The following SATB2 variants were observed in gnomAD, a reference collection of about 807,000 sequenced individuals.
SATB2 encodes DNA-binding protein SATB2.
Under a neutral mutation model 73.4 loss-of-function variants are expected in SATB2, and 1 was observed. The observed-to-expected ratio is 0.01, with a 90% CI of 0.00 to 0.06. The LOEUF (loss-of-function observed/expected upper bound fraction) is 0.06. SATB2 is among the 10% of genes least tolerant of loss of function. SATB2 has a pLI of 1.00. For missense variants in SATB2, 459 were observed against 945.8 expected (o/e 0.49, Z 6.75); for synonymous variants, 397 against 367.0 (o/e 1.08, Z -0.93).
intron 2 of SATB2, among the ~76,000 whole-genome samples, chr2:199,435,336 T>C (rs1691620742): frequency 6.6e-6 from 1 of 152,062 alleles, no homozygotes; most frequent in Non-Finnish European, 1.5e-5. Context: ...TAGCGAATAA[T>C]ATAAATTAGA....
intron 6 of SATB2, among the ~76,000 whole-genome samples, chr2:199,359,020 A>C (rs1241436203): frequency 6.6e-6 from 1 of 152,124 alleles, no homozygotes; most frequent in Non-Finnish European, 1.5e-5. Flanking sequence ...CTTTATTTTA[A>C]TCTAAAACTA....
At chr2:199,424,270 C>T (rs1691262395) in intron 3 of SATB2, among the ~76,000 whole-genome samples, 2 of 152,116 alleles carry the variant, frequency 1.3e-5, no homozygotes, top group African/African-American at 2.4e-5. Flanking sequence ...GTTTTAAATG[C>T]TCATCACAGT....
At chr2:199,334,966 A>C (rs1183267989) in intron 7 of SATB2, among the ~76,000 whole-genome samples, 1 of 152,096 alleles carries the variant, frequency 6.6e-6, no homozygotes, top group African/African-American at 2.4e-5. Context: ...CTGTATTCAT[A>C]ATCTACAACC....
rs193221730 is a variant in SATB2 at position 199,323,663 on chromosome 2, G to T, written c.1542+140C>A. 99 of 974,846 alleles carry T rather than the reference G, an allele frequency of 1.0e-4. No homozygotes were observed. The African/African-American group carries it at 1.2e-3, about 12-fold the overall frequency. The allele number at this position is 974,846 out of a possible 1,614,324, so 60.4% of individuals were successfully genotyped here. On this transcript the variant is annotated intron_variant, in intron 9 of 10. Coordinates refer to ENST00000417098, the MANE Select transcript of SATB2 (RefSeq NM_001172509.2). ...CTCCAATGGGAATAAAAGCAAACTA[G>T]AGTAAAAGGCAGAACATGACAGGTT...
chr2:199,310,736 G>T (rs893642001), intron 9 of SATB2, among the ~76,000 whole-genome samples: 4 of 152,100 alleles, frequency 2.6e-5, no homozygotes, highest in Non-Finnish European at 5.9e-5. Flanking sequence ...ACCATTTAAT[G>T]GAAAATACAA....
chr2:199,390,739 T>C (rs1348550014), intron 3 of SATB2, among the ~76,000 whole-genome samples: 2 of 152,214 alleles, frequency 1.3e-5, no homozygotes, highest in Non-Finnish European at 2.9e-5. Context: ...ATTATGTGTA[T>C]TCTTTTCAAA....
chr2:199,308,819 T>C lies in SATB2; in HGVS notation c.1681A>G (p.Arg561Gly), dbSNP rs1687513393. 1.2e-6 allele frequency: 2 copies of C among 1,613,982 alleles called. No individual in the cohort carries two copies. Among genetic ancestry groups the C allele is most frequent in the African/African-American group, 1.3e-5 (1 of 74,904 alleles). Residue 561 changes from arginine to glycine, a missense_variant, in exon 10 of 11, where the codon AGG becomes GGG. Transcript: ENST00000417098. This position sits in a 1 kb window ranked among gnomAD's most constrained non-coding sequence, Gnocchi z 4.6. ...ERDVIYEEESRHHHSERMQHV... is the reference protein window; with the variant it reads ...ERDVIYEEESGHHHSERMQHV... ...TGCATGCGTTCGCTGTGGTGATGCC[T>C]TGACTCCTCCTCATAGATGACATCC... is the stretch of plus-strand genomic sequence containing the variant.
intron 2 of SATB2, among the ~76,000 whole-genome samples, chr2:199,438,986 C>CCAAT (rs1238472874): frequency 6.6e-6 from 1 of 152,218 alleles, no homozygotes; most frequent in African/African-American, 2.4e-5. Context: ...GAATCCACAT[C>CCAAT]CATTGAAATC....
At chr2:199,465,342 G>T (rs117444613), upstream of SATB2, among the ~76,000 whole-genome samples, 5 of 152,144 alleles carry the variant, frequency 3.3e-5, no homozygotes, top group Admixed American at 6.5e-5. Flanking sequence ...TATAAGGGAG[G>T]GTGGAATATC....
At chr2:199,367,203 C>T (rs1295067532) in intron 6 of SATB2, among the ~76,000 whole-genome samples, 1 of 152,096 alleles carries the variant, frequency 6.6e-6, no homozygotes, top group Admixed American at 6.6e-5. Flanking sequence ...AGCCACACAT[C>T]GATGTCTTAT....
chr2:199,407,245 C>A (rs1175696452), intron 3 of SATB2, among the ~76,000 whole-genome samples: 1 of 141,880 alleles, frequency 7.0e-6, no homozygotes, highest in Non-Finnish European at 1.5e-5. Context: ...GAAATGGCAC[C>A]ACTGTGCTCC....
intron 9 of SATB2, among the ~76,000 whole-genome samples, chr2:199,311,095 G>C (rs915295360): frequency 2.6e-5 from 4 of 152,202 alleles, no homozygotes; most frequent in Non-Finnish European, 5.9e-5. Flanking sequence ...GAAGCTATTA[G>C]GGAGCAGATT....
At position 199,455,871 on chromosome 2, in the gene SATB2, C is replaced by T; in HGVS notation, c.167G>A (p.Gly56Glu). 6.5e-7 allele frequency: 1 copy of T among 1,536,846 alleles called. No homozygotes were observed. The highest frequency in any genetic ancestry group is 8.7e-7 in the Non-Finnish European group (1 of 1,147,784). ...GCCTCCCTGCTCCGGGCTGTTACCTCCCACGGCCTTGGCCACGGCGCCGTT... is the reference window on the plus strand; with the variant it reads ...GCCTCCCTGCTCCGGGCTGTTACCTTCCACGGCCTTGGCCACGGCGCCGTT... The part of the protein sequence containing the change: ...RPNGAVAKAV[G>E]GLMIPVFCVV... Residue 56 changes from glycine (G) to glutamate (E), a missense_variant and splice_region_variant, in exon 2 of 11, where the codon GGA becomes GAA. Around this residue, in one of 13 missense-constraint regions of SATB2, gnomAD observed 74 missense variants for 113.3 expected, o/e 0.65. Coordinates refer to ENST00000417098, the MANE Select transcript of SATB2 (RefSeq NM_001172509.2). The surrounding 1 kb of genome is among the most constrained non-coding windows in gnomAD (Gnocchi z 4.1).
At chr2:199,351,029 C>CAAA (rs35503848) in intron 6 of SATB2, among the ~76,000 whole-genome samples, 3 of 71,730 alleles carry the variant, frequency 4.2e-5, no homozygotes, top group African/African-American at 9.5e-5. Context: ...ACTCTGTCTC[C>CAAA]AAAAAAAAAA....
intron 3 of SATB2, among the ~76,000 whole-genome samples, chr2:199,417,933 G>A (rs1434578639): frequency 6.6e-6 from 1 of 152,130 alleles, no homozygotes; most frequent in African/African-American, 2.4e-5. Context: ...TATACCTTAA[G>A]AAAATTTAAG....
In SATB2 at chr2:199,272,185, A is replaced by G. The variant is rs1338706001; in HGVS notation, c.*26T>C. On this transcript the variant is annotated 3_prime_UTR_variant, in exon 11 of 11. Coordinates refer to ENST00000417098, the MANE Select transcript of SATB2 (RefSeq NM_001172509.2). This position sits in a 1 kb window ranked among gnomAD's most constrained non-coding sequence, Gnocchi z 6.7. ...AAGCAGAAAATCCTTGGACCGATGT[A>G]TTGCTTTGCCTAGTAGAAGTTCACA... is the stretch of plus-strand genomic sequence containing the variant. 1 of 1,597,636 alleles carries G rather than the reference A, an allele frequency of 6.3e-7. No individual in the cohort carries two copies. Among genetic ancestry groups the G allele is most frequent in the Admixed American group, 1.7e-5 (1 of 60,008 alleles).
chr2:199,355,215 A>AAGGAT (rs1324073735), intron 6 of SATB2, among the ~76,000 whole-genome samples: 2 of 150,060 alleles, frequency 1.3e-5, no homozygotes, highest in African/African-American at 4.9e-5. Flanking sequence ...ATATATATAT[A>AAGGAT]GTGTGTATAT....
intron 10 of SATB2, among the ~76,000 whole-genome samples, chr2:199,287,998 A>G (rs1475073194): frequency 6.6e-6 from 1 of 152,192 alleles, no homozygotes; most frequent in Non-Finnish European, 1.5e-5. Flanking sequence ...TTTTAGCACA[A>G]ATTTCTTTTA....
chr2:199,334,992 C>G (rs1371335351), intron 7 of SATB2, among the ~76,000 whole-genome samples: 1 of 152,030 alleles, frequency 6.6e-6, no homozygotes, highest in Non-Finnish European at 1.5e-5. Flanking sequence ...ATGAATCTGG[C>G]TGCTGAAATT....
Sources: allele counts gnomAD v4.1 joint callset (sites outside exome capture counted in the v4.1 genomes callset), GRCh38; gene constraint gnomAD v4.1.1; regional missense constraint gnomAD v4.1.1; non-coding constraint Gnocchi (gnomAD v3.1); transcripts MANE v1.5; gene names NCBI Gene and HGNC (gene_info 2026-07-23, HGNC 2026-07-21).